The following CATSPERE variants were observed in gnomAD, a reference collection of about 807,000 sequenced individuals.
CATSPERE encodes catsper channel auxiliary subunit epsilon.
Under a neutral mutation model 114.1 loss-of-function variants are expected in CATSPERE, and 93 were observed. The observed-to-expected ratio is 0.81, with a 90% CI of 0.69 to 0.97. The LOEUF is 0.97. Ranked by LOEUF, CATSPERE falls within the 50% of genes least tolerant of loss-of-function variation. CATSPERE has a pLI of 0.00. For missense variants in CATSPERE, 1,058 were observed against 1,131.6 expected (o/e 0.93, Z 0.93); for synonymous variants, 341 against 384.1 (o/e 0.89, Z 1.31).
In CATSPERE at chr1:244,552,479, T is replaced by A. The variant is rs780048453; in HGVS notation, c.694T>A (p.Ser232Thr). Residue 232 changes from serine (S) to threonine (T), a missense_variant, in exon 9 of 22, where the codon TCC becomes ACC. Coordinates refer to ENST00000366534, the MANE Select transcript of CATSPERE (RefSeq NM_001130957.2). ...TGAAATTCCTGGTTATTTACCAATC[T>A]CCTCACCACGTGGTAGTCAATTAAT... Reference protein sequence around the residue: ...IPEIPGYLPISSPRGSQLMAS... With the variant: ...IPEIPGYLPITSPRGSQLMAS... The A allele has an allele frequency of 1.9e-6, 3 of 1,614,206 alleles. No homozygotes were observed. The South Asian group carries it at 3.3e-5, about 18-fold the overall frequency.
Position 244,477,616 on chromosome 1 carries a change from T to A in CATSPERE, c.188+2T>A. The A allele has an allele frequency of 6.4e-7, 1 of 1,561,572 alleles. No individual in the cohort carries two copies. The highest frequency in any genetic ancestry group is 8.8e-7 in the Non-Finnish European group (1 of 1,133,388). The stretch of plus-strand genomic sequence containing the variant: ...AACTTGTTTTGTGCTAAATAAAAGG[T>A]AAGATTTATGCCATGAATATCAATG... On this transcript the variant is annotated splice_donor_variant, in intron 3 of 21. Coordinates refer to ENST00000366534, the MANE Select transcript of CATSPERE (RefSeq NM_001130957.2). LOFTEE classifies it high-confidence loss of function.
At chr1:244,563,643 G>T (rs1043602121) in intron 10 of CATSPERE, among the ~76,000 whole-genome samples, 14 of 152,158 alleles carry the variant, frequency 9.2e-5, no homozygotes, top group African/African-American at 3.4e-4. Context: ...GGTTTTTGTA[G>T]ATTCTGGATA....
chr1:244,608,678 A>G (rs1204652508), intron 18 of CATSPERE, among the ~76,000 whole-genome samples: 1 of 151,500 alleles, frequency 6.6e-6, no homozygotes, highest in African/African-American at 2.4e-5. Context: ...GCTGTACTGA[A>G]CCCTCTGCTT....
chr1:244,602,321 A>G (rs973586306), intron 17 of CATSPERE, among the ~76,000 whole-genome samples: 2 of 152,218 alleles, frequency 1.3e-5, no homozygotes, highest in African/African-American at 4.8e-5. Context: ...AAAACCAGGT[A>G]TCCGATCAGG....
chr1:244,633,319 T>TG lies in CATSPERE; in HGVS notation c.2649-2169dup, dbSNP rs1473140230. Among the ~76,000 whole-genome samples the TG allele has an allele frequency of 6.6e-6, 1 of 152,232 alleles. No individual in the cohort carries two copies. The highest frequency in any genetic ancestry group is 1.9e-4 in the East Asian group (1 of 5,204). On this transcript the variant is annotated intron_variant, in intron 20 of 21. Coordinates refer to ENST00000366534, the MANE Select transcript of CATSPERE (RefSeq NM_001130957.2). The surrounding 1 kb of genome is among the most constrained non-coding windows in gnomAD (Gnocchi z 4.1). ...AACTTTTAAACCATAAAGTTCCAGT[T>TG]GCACTTATTCCATGCTGATTCATCA...
chr1:244,573,589 GC>G lies in CATSPERE; in HGVS notation c.1950+819del, dbSNP rs1369206040. 2.0e-5 allele frequency among the ~76,000 whole-genome samples: 3 copies of G among 152,156 alleles called. No homozygotes were observed. The highest frequency in any genetic ancestry group is 4.4e-5 in the Non-Finnish European group (3 of 68,016). ...TAAGATGGCCTCATTAATCTAAGGG[GC>G]CTCAGCTGGAACACTTGCCTCTGCT... On this transcript the variant is annotated intron_variant, in intron 11 of 21. Transcript: ENST00000366534. The surrounding 1 kb of genome is among the most constrained non-coding windows in gnomAD (Gnocchi z 4.0).
intron 5 of CATSPERE, among the ~76,000 whole-genome samples, chr1:244,480,446 C>T (rs1047123325): frequency 6.6e-6 from 1 of 152,152 alleles, no homozygotes; most frequent in African/African-American, 2.4e-5. Flanking sequence ...TTCTTTGTAT[C>T]CACTTCACGT....
At chr1:244,521,156 C>A (rs1170736360) in intron 8 of CATSPERE, among the ~76,000 whole-genome samples, 1 of 152,076 alleles carries the variant, frequency 6.6e-6, no homozygotes, top group African/African-American at 2.4e-5. Flanking sequence ...GAGTTTCAGA[C>A]CAGTCTGGGA....
intron 5 of CATSPERE, among the ~76,000 whole-genome samples, chr1:244,489,450 AT>A (rs10524749): frequency 2.3e-5 from 2 of 85,566 alleles, no homozygotes; most frequent in East Asian, 3.6e-4. Flanking sequence ...AAGCATGCAG[AT>A]TTTTTTTTTT....
At chr1:244,498,077 A>G (rs985331597) in intron 6 of CATSPERE, among the ~76,000 whole-genome samples, 1 of 152,194 alleles carries the variant, frequency 6.6e-6, no homozygotes, top group East Asian at 1.9e-4. Flanking sequence ...AAAGTTGCTC[A>G]TTGTAGCATT....
At chr1:244,629,038 G>T (rs1361261715) in intron 20 of CATSPERE, among the ~76,000 whole-genome samples, 1 of 152,148 alleles carries the variant, frequency 6.6e-6, no homozygotes, top group African/African-American at 2.4e-5. Flanking sequence ...GTGTTTGGGG[G>T]TCAGAAGTTC....
At chr1:244,635,621 T>TC in intron 21 of CATSPERE, 79 bp downstream of exon 21, 2 of 1,067,378 alleles carry the variant, frequency 1.9e-6, no homozygotes, top group South Asian at 2.7e-5. Flanking sequence ...AAAGCACCTC[T>TC]CCCCCGTGTC....
Position 244,577,727 on chromosome 1 carries a change from T to A in CATSPERE, c.1951-4069T>A, listed in dbSNP as rs1017505018. ...AAGGGCTCCACCTCCAATACTATCA[T>A]GTTGGTGATCAGGTTTTAACACATA... On this transcript the variant is annotated intron_variant, in intron 11 of 21. Coordinates refer to ENST00000366534, the MANE Select transcript of CATSPERE (RefSeq NM_001130957.2). 3.9e-4 allele frequency among the ~76,000 whole-genome samples: 59 copies of A among 152,220 alleles called. 1 individual carries two copies. The highest frequency in any genetic ancestry group is 1.3e-4 in the Non-Finnish European group (9 of 68,036).
At chr1:244,570,872 C>T (rs1298709822) in intron 10 of CATSPERE, among the ~76,000 whole-genome samples, 2 of 152,030 alleles carry the variant, frequency 1.3e-5, no homozygotes, top group Non-Finnish European at 2.9e-5. Flanking sequence ...ACAGCATGTG[C>T]AAAGATGTGG....
chr1:244,617,478 T>A, intron 19 of CATSPERE, 51 bp from the exon 20 acceptor site: 20 of 1,364,118 alleles, frequency 1.5e-5, no homozygotes, highest in Non-Finnish European at 1.9e-5. Flanking sequence ...TAATTTTGCG[T>A]ATCAAAGTCA....
intron 11 of CATSPERE, among the ~76,000 whole-genome samples, chr1:244,577,082 A>C (rs1572842715): frequency 2.6e-5 from 4 of 152,130 alleles, no homozygotes; most frequent in Admixed American, 2.6e-4. Context: ...GAAAAAAAAT[A>C]CTTGAAGGCA....
intron 7 of CATSPERE, among the ~76,000 whole-genome samples, chr1:244,499,363 A>C (rs1673642594): frequency 6.6e-6 from 1 of 152,000 alleles, no homozygotes; most frequent in Admixed American, 6.6e-5. Flanking sequence ...TCAGAGATAT[A>C]TGTACAGAAT....
Position 244,610,223 on chromosome 1 carries a change from G to T in CATSPERE, c.2404-17G>T. The T allele has an allele frequency of 6.4e-7, 1 of 1,563,680 alleles. No individual in the cohort carries two copies. On this transcript the variant is annotated splice_polypyrimidine_tract_variant and intron_variant, in intron 18 of 21. Transcript: ENST00000366534. ...AAAACTTCTACCTACCCACATACAT[G>T]TGCCATCTTTTGACAGAGTGGTTGT...
chr1:244,594,893 G>A (rs1219472578), intron 17 of CATSPERE, among the ~76,000 whole-genome samples: 1 of 151,990 alleles, frequency 6.6e-6, no homozygotes, highest in Non-Finnish European at 1.5e-5. Flanking sequence ...CCAGCAGTCC[G>A]TCTCTCAGAG....
Sources: allele counts gnomAD v4.1 joint callset (sites outside exome capture counted in the v4.1 genomes callset), GRCh38; gene constraint gnomAD v4.1.1; non-coding constraint Gnocchi (gnomAD v3.1); transcripts MANE v1.5; gene names NCBI Gene and HGNC (gene_info 2026-07-23, HGNC 2026-07-21).